Variants in ANO2 observed in about 807,000 individuals in gnomAD.
ANO2 encodes the protein anoctamin-2.
A neutral mutation model predicts 124.2 loss-of-function variants in ANO2; 101 were observed. The ratio of observed to expected loss-of-function variants is 0.81; its 90% CI spans 0.69 to 0.96. The LOEUF (loss-of-function observed/expected upper bound fraction) is 0.96, where lower values mean the gene tolerates loss of function less well. ANO2 is among the 40% of genes least tolerant of loss of function. The probability of loss-of-function intolerance (pLI) is 0.00; values close to 1 mark genes in which losing one functional copy is unlikely to be tolerated. For missense variants in ANO2, 1,293 were observed against 1,274.5 expected, an observed-to-expected ratio of 1.01 and a Z score of -0.22; for synonymous variants, 486 against 482.5, an observed-to-expected ratio of 1.01 and a Z score of -0.09.
intron 24 of ANO2, 141 bp from the exon 25 acceptor site, chr12:5,563,709 A>G (rs2136816817): frequency 8.8e-7 from 1 of 1,130,280 alleles, no homozygotes; most frequent in East Asian, 2.4e-5. Context: ...GCATAACTCT[A>G]CCTTGGTGTC....
chr12:5,865,438 C>A lies in ANO2; in HGVS notation c.535-11297G>T, dbSNP rs1955393006. Among the ~76,000 whole-genome samples the A allele has an allele frequency of 2.0e-5, 3 of 151,950 alleles. No individual in the cohort carries two copies. In the South Asian group the frequency reaches 6.3e-4, roughly 32 times the overall value. ...GAATTCATACCATCAAGAATTCACA[C>A]CATCATGCCACCACACTACCATTTC... On this transcript the variant is annotated intron_variant, in intron 3 of 24. Coordinates refer to ENST00000682330, the MANE Select transcript of ANO2 (RefSeq NM_001364791.2).
intron 17 of ANO2, 37 bp from the exon 18 acceptor site, chr12:5,612,995 G>A (rs760602676): frequency 1.9e-6 from 3 of 1,608,592 alleles, no homozygotes; most frequent in African/African-American, 2.7e-5. Flanking sequence ...TAGGGGAAGA[G>A]AAAGCATGCA....
At chr12:5,661,165 C>T (rs752485722) in intron 14 of ANO2, among the ~76,000 whole-genome samples, 1 of 152,126 alleles carries the variant, frequency 6.6e-6, no homozygotes. Context: ...ACGTCTACAA[C>T]GGCCATCCTG....
At position 5,806,186 on chromosome 12, in the gene ANO2, C is replaced by A; in HGVS notation, c.949-93G>T. ...GATTTTCTTTTTTATTTTCTAATAT[C>A]ATTGCTTTTTTTTCATTCCCATTTA... On this transcript the variant is annotated intron_variant, in intron 8 of 24. Transcript: ENST00000682330. 3 of 1,319,052 alleles carry A rather than the reference C, an allele frequency of 2.3e-6. No individual in the cohort carries two copies. The South Asian group carries it at 4.1e-5, about 18-fold the overall frequency. The allele number at this position is 1,319,052 out of a possible 1,614,324, so 81.7% of individuals were successfully genotyped here.
At chr12:5,645,963 T>G (rs1454995545) in intron 15 of ANO2, among the ~76,000 whole-genome samples, 1 of 152,198 alleles carries the variant, frequency 6.6e-6, no homozygotes, top group East Asian at 1.9e-4. Context: ...GCACAGGATT[T>G]TGTTTCCCCT....
Position 5,878,235 on chromosome 12 carries a change from C to G in ANO2, c.535-24094G>C, listed in dbSNP as rs368732135. 2.1e-4 allele frequency among the ~76,000 whole-genome samples: 32 copies of G among 152,256 alleles called. No homozygotes were observed. The Middle Eastern group carries it at 0.01, about 49-fold the overall frequency. ...TGATGTATTTTATCTCCAATTCTTA[C>G]GATAATGCTGTAAGGGAAGTAGAAT... On this transcript the variant is annotated intron_variant, in intron 3 of 24. Transcript: ENST00000682330.
intron 1 of ANO2, among the ~76,000 whole-genome samples, chr12:5,927,339 G>C (rs1205497438): frequency 6.6e-6 from 1 of 152,192 alleles, no homozygotes; most frequent in Admixed American, 6.5e-5. Context: ...ACCACTCGCA[G>C]GACTGCAGGT....
intron 3 of ANO2, among the ~76,000 whole-genome samples, chr12:5,906,340 A>C: frequency 7.1e-6 from 1 of 139,906 alleles, no homozygotes. Context: ...AATATGTCAC[A>C]CATTGTTAAA....
At position 5,682,468 on chromosome 12, in the gene ANO2, G is replaced by A. The variant is rs531200296; in HGVS notation, c.1546-34667C>T. 2.0e-5 allele frequency among the ~76,000 whole-genome samples: 3 copies of A among 152,212 alleles called. No homozygotes were observed. In the East Asian group the frequency reaches 5.8e-4, roughly 29 times the overall value. On this transcript the variant is annotated intron_variant, in intron 14 of 24. Coordinates refer to ENST00000682330, the MANE Select transcript of ANO2 (RefSeq NM_001364791.2). ...TGGTGACAATGGGGCTGGAGGCCTG[G>A]GTAGTAATGGGTCTGAGATAAAAAG...
At chr12:5,624,477 C>T (rs1428554838) in intron 16 of ANO2, among the ~76,000 whole-genome samples, 1 of 152,058 alleles carries the variant, frequency 6.6e-6, no homozygotes, top group East Asian at 1.9e-4. Flanking sequence ...CCCCCAACAC[C>T]CCTGGGTCAT....
intron 16 of ANO2, among the ~76,000 whole-genome samples, chr12:5,621,181 G>A (rs1022971990): frequency 7.2e-5 from 11 of 152,174 alleles, no homozygotes; most frequent in Non-Finnish European, 1.5e-5. Context: ...CCCGCATACA[G>A]TTTGGAGGGC....
At chr12:5,711,000 T>C (rs370953271) in intron 14 of ANO2, among the ~76,000 whole-genome samples, 1 of 151,466 alleles carries the variant, frequency 6.6e-6, no homozygotes, top group Admixed American at 6.6e-5. Context: ...CTACTAAAAA[T>C]ACAAAAAATT....
At chr12:5,719,090 T>C (rs755994033) in intron 14 of ANO2, among the ~76,000 whole-genome samples, 6 of 152,228 alleles carry the variant, frequency 3.9e-5, no homozygotes, top group Non-Finnish European at 5.9e-5. Flanking sequence ...TGACTAGATC[T>C]TAACTCATGC....
intron 7 of ANO2, among the ~76,000 whole-genome samples, chr12:5,825,557 C>T (rs1011839181): frequency 2.9e-5 from 4 of 139,672 alleles, no homozygotes; most frequent in African/African-American, 1.2e-4. Flanking sequence ...CCAGGAGACA[C>T]AACAACAATT....
chr12:5,838,353 A>G (rs1954395349), intron 4 of ANO2, among the ~76,000 whole-genome samples: 1 of 152,168 alleles, frequency 6.6e-6, no homozygotes, highest in East Asian at 1.9e-4. Flanking sequence ...GGTAACATCA[A>G]CTGCATAGCC....
chr12:5,813,641 C>T (rs1228329214), intron 7 of ANO2, among the ~76,000 whole-genome samples: 1 of 152,206 alleles, frequency 6.6e-6, no homozygotes, highest in Non-Finnish European at 1.5e-5. Context: ...TCTCCATCTT[C>T]CCTTTCACTA....
At chr12:5,815,253 G>C (rs1000026478) in intron 7 of ANO2, among the ~76,000 whole-genome samples, 8 of 152,174 alleles carry the variant, frequency 5.3e-5, no homozygotes, top group African/African-American at 1.9e-4. Flanking sequence ...TAATGAGCTT[G>C]TTTTTCCATC....
rs886390865 is a variant in ANO2, at chr12:5,658,149, G to A, written c.1546-10348C>T. 6.6e-6 allele frequency among the ~76,000 whole-genome samples: 1 copy of A among 152,154 alleles called. No homozygotes were observed. Among genetic ancestry groups the A allele is most frequent in the African/African-American group, 2.4e-5 (1 of 41,436 alleles). On this transcript the variant is annotated intron_variant, in intron 14 of 24. Transcript: ENST00000682330. This position sits in a 1 kb window ranked among gnomAD's most constrained non-coding sequence, Gnocchi z 4.3. ...ATACTGCAGTATGGTCTAGCCTGGA[G>A]GTGGCTGCCTGGGTTCAATTCCCAG...
intron 14 of ANO2, among the ~76,000 whole-genome samples, chr12:5,668,590 C>G (rs1443594235): frequency 6.6e-6 from 1 of 152,140 alleles, no homozygotes; most frequent in Non-Finnish European, 1.5e-5. Context: ...GTTGAAATTG[C>G]TGTTAGCAAT....
Sources: allele counts gnomAD v4.1 joint callset (sites outside exome capture counted in the v4.1 genomes callset), GRCh38; gene constraint gnomAD v4.1.1; non-coding constraint Gnocchi (gnomAD v3.1); transcripts MANE v1.5; gene names NCBI Gene and HGNC (gene_info 2026-07-23, HGNC 2026-07-21).